The following SLC1A2 variants were observed in gnomAD, a reference collection of about 807,000 sequenced individuals.
The protein encoded by SLC1A2 is excitatory amino acid transporter 2.
Under a neutral mutation model 48.8 loss-of-function variants are expected in SLC1A2, and 15 were observed. That is an observed-to-expected ratio of 0.31 (90% CI 0.21 to 0.47). SLC1A2 has a LOEUF of 0.47. Ranked by LOEUF, SLC1A2 falls within the 20% of genes least tolerant of loss-of-function variation. SLC1A2 has a pLI of 0.99. For synonymous variants in SLC1A2, 279 were observed against 272.6 expected, an observed-to-expected ratio of 1.02 and a Z score of -0.23; for missense variants, 502 against 730.5, an observed-to-expected ratio of 0.69 and a Z score of 3.61.
chr11:35,282,304 C>T (rs1467718080), intron 8 of SLC1A2, among the ~76,000 whole-genome samples: 1 of 152,152 alleles, frequency 6.6e-6, no homozygotes, highest in African/African-American at 2.4e-5. Context: ...CGTGAAAGTT[C>T]TGCAGTTGAA....
At chr11:35,393,384 T>C (rs1854843445) in intron 1 of SLC1A2, among the ~76,000 whole-genome samples, 1 of 152,214 alleles carries the variant, frequency 6.6e-6, no homozygotes, top group Admixed American at 6.5e-5. Context: ...TCCTGATTTC[T>C]AAAGCTGCCA....
At chr11:35,417,776 G>C (rs1855655713) in intron 1 of SLC1A2, among the ~76,000 whole-genome samples, 1 of 152,214 alleles carries the variant, frequency 6.6e-6, no homozygotes. Context: ...TGGACAGAGA[G>C]ACAGTTCTAG....
intron 1 of SLC1A2, among the ~76,000 whole-genome samples, chr11:35,411,244 A>T (rs1855450693): frequency 6.6e-6 from 1 of 152,184 alleles, no homozygotes; most frequent in Non-Finnish European, 1.5e-5. Flanking sequence ...TTTCTAGACC[A>T]TATGTTGCAT....
At chr11:35,409,292 T>G (rs1855390740) in intron 1 of SLC1A2, among the ~76,000 whole-genome samples, 1 of 152,216 alleles carries the variant, frequency 6.6e-6, no homozygotes, top group Non-Finnish European at 1.5e-5. Flanking sequence ...AGGATTTACC[T>G]AATTCATTGT....
Position 35,260,933 on chromosome 11 carries a change from G to T in SLC1A2, c.1686C>A (p.Asp562Glu). ...TCCAAGGTTCTTCCTCAACACTGCA[G>T]TCGGCTGACTTTCCATTGGCTGCCA... ...VTLAANGKSA[D>E]CSVEEEPWKR... The change falls in exon 11 of 11, where the codon GAC becomes GAA. Residue 562 changes from aspartate to glutamate, a missense_variant. Transcript: ENST00000278379. 6.2e-7 allele frequency: 1 copy of T among 1,613,820 alleles called. No homozygotes were observed. Among genetic ancestry groups the T allele is most frequent in the Non-Finnish European group, 8.5e-7 (1 of 1,179,760 alleles).
At chr11:35,277,313 T>C (rs1016695237) in intron 9 of SLC1A2, among the ~76,000 whole-genome samples, 5 of 152,184 alleles carry the variant, frequency 3.3e-5, no homozygotes, top group African/African-American at 9.7e-5. Flanking sequence ...TGTGTGGAGT[T>C]GGGTGAAGTG....
intron 1 of SLC1A2, among the ~76,000 whole-genome samples, chr11:35,345,720 A>C (rs1853005508): frequency 1.3e-5 from 2 of 152,208 alleles, no homozygotes; most frequent in Admixed American, 1.3e-4. Flanking sequence ...AAAAAAGGTA[A>C]AGAAATAGTT....
Position 35,257,291 on chromosome 11 carries a change from A to G in SLC1A2, c.*3603T>C, listed in dbSNP as rs774964975. The G allele has an allele frequency of 3.3e-5, 5 of 152,184 alleles. No individual in the cohort carries two copies. Among genetic ancestry groups the G allele is most frequent in the Admixed American group, 6.5e-5 (1 of 15,276 alleles). 9.4% of individuals were successfully genotyped at this position (152,184 alleles called of 1,614,324 possible). A position where few individuals can be genotyped will look rare whatever the true frequency, so the allele number is the denominator to read the frequency against. ...CCCTAAGCCTTTCTCATATTCCATGAGTCTAAATCCAGGAGCTAGGCATTT... is the reference window on the plus strand; with the variant it reads ...CCCTAAGCCTTTCTCATATTCCATGGGTCTAAATCCAGGAGCTAGGCATTT... On this transcript the variant is annotated 3_prime_UTR_variant, in exon 11 of 11. Transcript: ENST00000278379.
At chr11:35,327,828 T>C (rs1379983266) in intron 1 of SLC1A2, among the ~76,000 whole-genome samples, 1 of 152,234 alleles carries the variant, frequency 6.6e-6, no homozygotes, top group African/African-American at 2.4e-5. Context: ...AGCTTGGAAG[T>C]AGCAGAGTTA....
chr11:35,417,483 A>G (rs532452671), intron 1 of SLC1A2, among the ~76,000 whole-genome samples: 1 of 152,338 alleles, frequency 6.6e-6, no homozygotes, highest in Non-Finnish European at 1.5e-5. Flanking sequence ...AAATTCTTTC[A>G]TATCTTTTCT....
intron 1 of SLC1A2, chr11:35,322,680 C>T (rs1852111448): frequency 6.6e-7 from 1 of 1,513,420 alleles, no homozygotes; most frequent in Non-Finnish European, 8.9e-7. Context: ...CTAGGTCACC[C>T]TAGAATCAAG....
At position 35,251,773 on chromosome 11, in the gene SLC1A2, G is replaced by T. The variant is rs1313893793; in HGVS notation, c.*9121C>A. On this transcript the variant is annotated 3_prime_UTR_variant, in exon 11 of 11. Coordinates refer to ENST00000278379, the MANE Select transcript of SLC1A2 (RefSeq NM_004171.4). ...ATTAATGTGCTTCATGCCCCCTGATGATATTGTAGGCTTTACCCTTCTTGG... is the reference window on the plus strand; with the variant it reads ...ATTAATGTGCTTCATGCCCCCTGATTATATTGTAGGCTTTACCCTTCTTGG... The T allele has an allele frequency of 2.6e-5, 4 of 152,602 alleles. No individual in the cohort carries two copies. The highest frequency in any genetic ancestry group is 9.7e-5 in the African/African-American group (4 of 41,440). 9.5% of individuals were successfully genotyped at this position (152,602 alleles called of 1,614,324 possible).
At chr11:35,301,799 C>G (rs1565225873) in intron 5 of SLC1A2, among the ~76,000 whole-genome samples, 154 bp from the exon 6 acceptor site, 1 of 152,212 alleles carries the variant, frequency 6.6e-6, no homozygotes, top group East Asian at 1.9e-4. Context: ...ATATTTGATA[C>G]TGAATGTAAC....
At chr11:35,339,267 G>C (rs115060607) in intron 1 of SLC1A2, among the ~76,000 whole-genome samples, 3,892 of 152,288 alleles carry the variant, frequency 0.026, 154 homozygotes, top group African/African-American at 0.089. Flanking sequence ...ATCTCAATGC[G>C]GTGAACAAGA....
chr11:35,279,550 G>A (rs1850553718), intron 9 of SLC1A2, among the ~76,000 whole-genome samples: 1 of 152,092 alleles, frequency 6.6e-6, no homozygotes, highest in African/African-American at 2.4e-5. Context: ...GGCCTTGACT[G>A]GAATGTCCTG....
At chr11:35,405,828 A>T (rs1322964404) in intron 1 of SLC1A2, among the ~76,000 whole-genome samples, 1 of 152,168 alleles carries the variant, frequency 6.6e-6, no homozygotes, top group Non-Finnish European at 1.5e-5. Context: ...AGGAATGGGG[A>T]TGTTCAATTG....
rs771125319 is a variant in SLC1A2 at position 35,254,798 on chromosome 11, A to G, written c.*6096T>C. 1.8e-5 allele frequency: 8 copies of G among 456,080 alleles called. No homozygotes were observed. The highest frequency in any genetic ancestry group is 1.2e-4 in the African/African-American group (6 of 50,064). The allele number at this position is 456,080 out of a possible 1,614,324, so 28.3% of individuals were successfully genotyped here. On this transcript the variant is annotated 3_prime_UTR_variant, in exon 11 of 11. Coordinates refer to ENST00000278379, the MANE Select transcript of SLC1A2 (RefSeq NM_004171.4). ...TCCAATAGCTGGTTTTATTCTCAGC[A>G]CAAAAGGGCCCTGTGTAAAAACCAG... is the stretch of plus-strand genomic sequence containing the variant.
intron 1 of SLC1A2, among the ~76,000 whole-genome samples, chr11:35,401,387 G>A (rs1007931143): frequency 1.3e-4 from 20 of 152,330 alleles, no homozygotes; most frequent in Admixed American, 4.6e-4. Context: ...TTCAGGGCCT[G>A]TTATCCGTCA....
At chr11:35,396,246 C>T (rs1252663220) in intron 1 of SLC1A2, among the ~76,000 whole-genome samples, 2 of 105,382 alleles carry the variant, frequency 1.9e-5, no homozygotes, top group Non-Finnish European at 3.7e-5. Flanking sequence ...CCTGAGGAAT[C>T]GCCACACTGA....
Sources: gnomAD v4.1 joint callset for allele counts (sites outside exome capture counted in the v4.1 genomes callset) on GRCh38, gnomAD v4.1.1 for gene constraint, MANE v1.5 for transcripts, NCBI Gene and HGNC (gene_info 2026-07-23, HGNC 2026-07-21) for gene names.